The following IKBKB variants were observed in gnomAD, a reference collection of about 807,000 sequenced individuals.
IKBKB encodes the protein inhibitor of nuclear factor kappa B kinase subunit beta.
A neutral mutation model predicts 113.6 loss-of-function variants in IKBKB; 42 were observed. That is an observed-to-expected ratio of 0.37 (90% CI 0.29 to 0.48). The LOEUF (loss-of-function observed/expected upper bound fraction) is 0.48. Among genes scored for constraint, IKBKB ranks in the 20% least tolerant of loss-of-function variants. The pLI, the probability that IKBKB is intolerant of heterozygous loss-of-function variation, is 0.99. For missense variants in IKBKB, 673 were observed against 939.7 expected (o/e 0.72, Z 3.71); for synonymous variants, 296 against 361.3 (o/e 0.82, Z 2.05).
chr8:42,291,909 G>A (rs1812728972), intron 4 of IKBKB, among the ~76,000 whole-genome samples: 1 of 152,184 alleles, frequency 6.6e-6, no homozygotes, highest in South Asian at 2.1e-4. Flanking sequence ...GCCAGCCTGG[G>A]TGACAGAGCA....
chr8:42,326,359 A>G (rs537456705), intron 20 of IKBKB: 53 of 458,068 alleles, frequency 1.2e-4, no homozygotes, highest in Non-Finnish European at 1.6e-4. Context: ...GGTCAGGCAC[A>G]TGCTGTTACC....
At chr8:42,325,643 A>G in intron 19 of IKBKB, 3 of 1,058,668 alleles carry the variant, frequency 2.8e-6, no homozygotes, top group South Asian at 5.9e-5. Context: ...CGCACATCGC[A>G]CTTCAGCCCA....
rs953866365 is a variant in IKBKB at position 42,290,048 on chromosome 8, C to T, written c.201-108C>T. On this transcript the variant is annotated intron_variant, in intron 3 of 21. Transcript: ENST00000520810. ...TCCTGGGCTCTGTCTTCCTCTGTTT[C>T]AAAGCCCTGGGTTATCCTGGGCCTT... The T allele has an allele frequency of 5.1e-6, 4 of 780,452 alleles. No homozygotes were observed. In the Admixed American group the frequency reaches 9.2e-5, roughly 18 times the overall value. The allele number at this position is 780,452 out of a possible 1,614,324, so 48.3% of individuals were successfully genotyped here. A position where few individuals can be genotyped will look rare whatever the true frequency, so the allele number is the denominator to read the frequency against.
intron 2 of IKBKB, among the ~76,000 whole-genome samples, chr8:42,276,316 T>A (rs1056555398): frequency 5.3e-5 from 8 of 152,212 alleles, no homozygotes; most frequent in African/African-American, 1.4e-4. Flanking sequence ...CTCATTGTGG[T>A]TTTGATTTGC....
chr8:42,327,842 T>C lies in IKBKB; in HGVS notation c.2115-1282T>C, dbSNP rs376051890. On this transcript the variant is annotated intron_variant, in intron 20 of 21. Transcript: ENST00000520810. Reference sequence around the variant, plus strand: ...TTTTTGAGACGGAGTCTCGCTCTGTTGCCCAGGCCGGACTGCGGACTGCAG... The same window carrying C: ...TTTTTGAGACGGAGTCTCGCTCTGTCGCCCAGGCCGGACTGCGGACTGCAG... Among the ~76,000 whole-genome samples, 202 of 21,544 alleles carry C rather than the reference T, an allele frequency of 9.4e-3. 17 individuals carry two copies. The highest frequency in any genetic ancestry group is 0.016 in the African/African-American group (196 of 12,620). The allele number at this position is 21,544 out of a possible 152,430, so 14.1% of individuals were successfully genotyped here. A position where few individuals can be genotyped will look rare whatever the true frequency, so the allele number is the denominator to read the frequency against.
chr8:42,320,610 T>C, intron 15 of IKBKB, 125 bp from the exon 16 acceptor site: 1 of 767,764 alleles, frequency 1.3e-6, no homozygotes, highest in Non-Finnish European at 2.2e-6. Context: ...TCCACATTCC[T>C]TTGAGCCAGT....
rs371588496 is a variant in IKBKB at position 42,316,802 on chromosome 8, A to G, written c.1023A>G (p.Gln341=). ...TGCAGAGCTTGAAGGCCAGAATCCAACAGGACACGGGCATCCCAGAGGAGG... is the reference window on the plus strand; with the variant it reads ...TGCAGAGCTTGAAGGCCAGAATCCAGCAGGACACGGGCATCCCAGAGGAGG... ...ESLQSLKARI[Q]QDTGIPEEDQ... The change falls in exon 11 of 22, where the codon CAA becomes CAG. Residue 341 remains glutamine (Q), a synonymous_variant. Transcript: ENST00000520810. The surrounding 1 kb of genome is among the most constrained non-coding windows in gnomAD (Gnocchi z 4.5). 3 of 1,614,018 alleles carry G rather than the reference A, an allele frequency of 1.9e-6. No individual in the cohort carries two copies. The highest frequency in any genetic ancestry group is 4.5e-5 in the East Asian group (2 of 44,888).
At chr8:42,314,086 C>A (rs141845345) in intron 8 of IKBKB, 1 of 514,622 alleles carries the variant, frequency 1.9e-6, no homozygotes, top group African/African-American at 1.9e-5. Flanking sequence ...TTTAGATACA[C>A]CAATACTTAC....
intron 11 of IKBKB, chr8:42,317,300 GT>G: frequency 2.4e-6 from 1 of 421,896 alleles, no homozygotes; most frequent in African/African-American, 2.0e-5. Flanking sequence ...TTAGGCACCT[GT>G]GTTAACTATA....
chr8:42,316,787 G>C lies in IKBKB; in HGVS notation c.1008G>C (p.Leu336Phe). The C allele has an allele frequency of 6.2e-7, 1 of 1,614,158 alleles. No homozygotes were observed. Among genetic ancestry groups the C allele is most frequent in the Non-Finnish European group, 8.5e-7 (1 of 1,180,036 alleles). Residue 336 changes from leucine to phenylalanine, a missense_variant, in exon 11 of 22, where the codon TTG becomes TTC. Coordinates refer to ENST00000520810, the MANE Select transcript of IKBKB (RefSeq NM_001556.3). The surrounding 1 kb of genome is among the most constrained non-coding windows in gnomAD (Gnocchi z 4.5). ...PVTEDESLQS[L>F]KARIQQDTGI... ...CAGAGGATGAGAGTCTGCAGAGCTT[G>C]AAGGCCAGAATCCAACAGGACACGG...
At position 42,329,984 on chromosome 8, in the gene IKBKB, C is replaced by T. The variant is rs965394207; in HGVS notation, c.2205+770C>T. On this transcript the variant is annotated intron_variant, in intron 21 of 21. Transcript: ENST00000520810. The stretch of plus-strand genomic sequence containing the variant: ...TTTGCTGATGTAGTCGCATGTCCTC[C>T]TCCAGTCTGTGGACATTCTATATCT... 3.0e-6 allele frequency: 3 copies of T among 985,352 alleles called. No homozygotes were observed. The African/African-American group carries it at 5.2e-5, about 17-fold the overall frequency. The allele number at this position is 985,352 out of a possible 1,614,324, so 61.0% of individuals were successfully genotyped here. A position where few individuals can be genotyped will look rare whatever the true frequency, so the allele number is the denominator to read the frequency against.
At chr8:42,329,282 T>G in intron 21 of IKBKB, 68 bp downstream of exon 21, 1 of 1,504,488 alleles carries the variant, frequency 6.6e-7, no homozygotes, top group Non-Finnish European at 8.9e-7. Context: ...GAAGAGAAAA[T>G]GGAAATGCAA....
intron 6 of IKBKB, among the ~76,000 whole-genome samples, chr8:42,306,106 C>T (rs377738336): frequency 2.0e-5 from 3 of 152,226 alleles, no homozygotes; most frequent in Non-Finnish European, 2.9e-5. Context: ...TCTGATGATG[C>T]GTGGCAGAGT....
chr8:42,322,603 C>A, intron 19 of IKBKB, 109 bp downstream of exon 19: 1 of 1,138,268 alleles, frequency 8.8e-7, no homozygotes, highest in Non-Finnish European at 1.3e-6. Context: ...CACCAGCAGC[C>A]CACTCAGCTG....
intron 12 of IKBKB, 145 bp from the exon 13 acceptor site, chr8:42,318,407 C>A: frequency 1.2e-6 from 1 of 815,302 alleles, no homozygotes; most frequent in Non-Finnish European, 1.9e-6. Context: ...GTGACAGTAA[C>A]CAGGCATAAC....
At chr8:42,302,937 G>A (rs944092346) in intron 5 of IKBKB, among the ~76,000 whole-genome samples, 1 of 152,134 alleles carries the variant, frequency 6.6e-6, no homozygotes, top group African/African-American at 2.4e-5. Context: ...TGCAGAGAAT[G>A]TTTGCTTACT....
chr8:42,290,076 T>C, intron 3 of IKBKB, 80 bp from the exon 4 acceptor site: 2 of 996,972 alleles, frequency 2.0e-6, no homozygotes, highest in South Asian at 1.4e-5. Flanking sequence ...TGGGCCTTTG[T>C]TGCTGAGACC....
chr8:42,271,438 GCCCGCCCCCTGC>G lies in IKBKB; in HGVS notation c.-44_-33del. On this transcript the variant is annotated 5_prime_UTR_variant, in exon 1 of 22. Transcript: ENST00000520810. ...AGCCCCGCCTTCCCCGCCCCGGGGA[GCCCGCCCCCTGC>G]CCCGCGTCCCTGCCGACAGGTGAGT... 2 of 1,408,948 alleles carry G rather than the reference GCCCGCCCCCTGC, an allele frequency of 1.4e-6. 1 individual carries two copies. Among genetic ancestry groups the G allele is most frequent in the South Asian group, 2.5e-5 (2 of 81,236 alleles). The allele number at this position is 1,408,948 out of a possible 1,614,324, so 87.3% of individuals were successfully genotyped here.
At chr8:42,330,636 G>A (rs1468449839) in intron 21 of IKBKB, among the ~76,000 whole-genome samples, 1 of 152,098 alleles carries the variant, frequency 6.6e-6, no homozygotes, top group African/African-American at 2.4e-5. Context: ...TCAGCCTCCT[G>A]AGTAGCTGGG....
Sources: gnomAD v4.1 joint callset for allele counts (sites outside exome capture counted in the v4.1 genomes callset) on GRCh38, gnomAD v4.1.1 for gene constraint, Gnocchi (gnomAD v3.1) non-coding constraint, MANE v1.5 for transcripts, NCBI Gene and HGNC (gene_info 2026-07-23, HGNC 2026-07-21) for gene names.